The following PSD3 variants were observed in gnomAD, a reference collection of about 807,000 sequenced individuals.
PSD3 encodes the protein pleckstrin and Sec7 domain containing 3, also known as PH and SEC7 domain-containing protein 3.
A neutral mutation model predicts 105.5 loss-of-function variants in PSD3; 49 were observed. The ratio of observed to expected loss-of-function variants is 0.46; its 90% CI spans 0.37 to 0.59. PSD3 has a LOEUF of 0.59. Among genes scored for constraint, PSD3 ranks in the 20% least tolerant of loss-of-function variants. The pLI, the probability that PSD3 is intolerant of heterozygous loss-of-function variation, is 0.00. For missense variants in PSD3, 1,561 were observed against 1,263.8 expected, an observed-to-expected ratio of 1.24 and a Z score of -3.57; for synonymous variants, 557 against 457.8, an observed-to-expected ratio of 1.22 and a Z score of -2.77.
chr8:18,606,965 C>G (rs1328993235), intron 11 of PSD3, among the ~76,000 whole-genome samples: 2 of 152,158 alleles, frequency 1.3e-5, no homozygotes, highest in African/African-American at 4.8e-5. Context: ...AGTATGCCCC[C>G]AAGGAAGCTA....
At chr8:19,066,848 G>A (rs936636758) in intron 1 of PSD3, among the ~76,000 whole-genome samples, 3 of 152,206 alleles carry the variant, frequency 2.0e-5, no homozygotes, top group Non-Finnish European at 4.4e-5. Context: ...CTGGCCGGAA[G>A]CTTTTCCTAA....
intron 4 of PSD3, among the ~76,000 whole-genome samples, chr8:18,834,445 C>A (rs1034292702): frequency 1.3e-5 from 2 of 152,280 alleles, no homozygotes; most frequent in Non-Finnish European, 2.9e-5. Context: ...CTAATCACTG[C>A]ATCCTTGTGT....
chr8:18,959,119 C>T (rs59897010), intron 1 of PSD3, among the ~76,000 whole-genome samples: 30,658 of 151,970 alleles, frequency 0.2, 3,270 homozygotes, highest in African/African-American at 0.29. Flanking sequence ...CGGCATTTCA[C>T]CACGTTGGCC....
chr8:18,810,451 A>G (rs1156847134), intron 4 of PSD3, among the ~76,000 whole-genome samples: 2 of 152,252 alleles, frequency 1.3e-5, no homozygotes, highest in Non-Finnish European at 2.9e-5. Flanking sequence ...TCAATAGTGT[A>G]CTGTTTTACT....
At chr8:18,643,910 TAGA>T (rs2130808250) in intron 10 of PSD3, among the ~76,000 whole-genome samples, 1 of 152,342 alleles carries the variant, frequency 6.6e-6, no homozygotes, top group Non-Finnish European at 1.5e-5. Context: ...TTGTATTTCC[TAGA>T]ACAGTGGGCT....
At chr8:18,893,516 A>G (rs1818946341) in intron 2 of PSD3, among the ~76,000 whole-genome samples, 1 of 152,140 alleles carries the variant, frequency 6.6e-6, no homozygotes. Context: ...CTTTCAGTAT[A>G]AGATTTTCTT....
chr8:19,002,648 T>C (rs1280270160), intron 1 of PSD3, among the ~76,000 whole-genome samples: 3 of 152,136 alleles, frequency 2.0e-5, no homozygotes, highest in African/African-American at 4.8e-5. Context: ...CTTTAAGTCA[T>C]CTCTAGGTTT....
At chr8:18,585,499 G>A (rs866779415) in intron 12 of PSD3, among the ~76,000 whole-genome samples, 17 of 151,984 alleles carry the variant, frequency 1.1e-4, no homozygotes, top group African/African-American at 3.9e-4. Flanking sequence ...TGTATTTTTT[G>A]TAGAGATGGG....
chr8:19,049,886 C>A (rs929399205), intron 1 of PSD3, among the ~76,000 whole-genome samples: 1 of 152,116 alleles, frequency 6.6e-6, no homozygotes, highest in Non-Finnish European at 1.5e-5. Flanking sequence ...CTGCCACTTA[C>A]AGTGTAACCT....
chr8:18,907,395 G>A (rs1819915165), intron 2 of PSD3, among the ~76,000 whole-genome samples: 1 of 152,012 alleles, frequency 6.6e-6, no homozygotes, highest in Non-Finnish European at 1.5e-5. Flanking sequence ...GCTGGTCTTT[G>A]AAATCCTGGC....
At position 18,600,359 on chromosome 8, in the gene PSD3, T is replaced by A; in HGVS notation, c.2481+5A>T. 2 of 1,609,106 alleles carry A rather than the reference T, an allele frequency of 1.2e-6. No individual in the cohort carries two copies. Among genetic ancestry groups the A allele is most frequent in the Non-Finnish European group, 1.7e-6 (2 of 1,176,678 alleles). On this transcript the variant is annotated splice_donor_5th_base_variant and intron_variant, in intron 12 of 15. Transcript: ENST00000327040. ...TTGTGGATTTTTTATCTGCTTTACT[T>A]TTACCTTTTGCAAGTAAAGAACTGT...
intron 3 of PSD3, among the ~76,000 whole-genome samples, chr8:18,869,461 G>A (rs1563365862): frequency 6.6e-6 from 1 of 152,080 alleles, no homozygotes; most frequent in Non-Finnish European, 1.5e-5. Context: ...TTACAGGTGT[G>A]AGCCACCATG....
Position 18,947,400 on chromosome 8 carries a change from T to C in PSD3, c.22-11258A>G, listed in dbSNP as rs183995958. 6.8e-4 allele frequency among the ~76,000 whole-genome samples: 103 copies of C among 152,344 alleles called. 1 individual carries two copies. The East Asian group carries it at 7.9e-3, about 12-fold the overall frequency. On this transcript the variant is annotated intron_variant, in intron 1 of 15. Transcript: ENST00000327040. ...AGCACAAGACCAATAACTGAATTCA[T>C]GGCCTTGTTAAAAGCCCCTGGAGGT...
intron 10 of PSD3, among the ~76,000 whole-genome samples, chr8:18,640,411 A>G (rs1462746942): frequency 6.6e-6 from 1 of 152,022 alleles, no homozygotes; most frequent in African/African-American, 2.4e-5. Flanking sequence ...TGTAATCCCC[A>G]TGTGTCATGG....
chr8:18,888,025 G>A (rs929256072), intron 2 of PSD3, among the ~76,000 whole-genome samples: 4 of 152,118 alleles, frequency 2.6e-5, no homozygotes, highest in South Asian at 2.1e-4. Context: ...GCACAACCAC[G>A]ATTCAAACAC....
intron 8 of PSD3, among the ~76,000 whole-genome samples, chr8:18,784,256 C>T (rs1025426863): frequency 6.6e-6 from 1 of 152,086 alleles, no homozygotes; most frequent in African/African-American, 2.4e-5. Flanking sequence ...ATATACGGTG[C>T]TAATTTCTCA....
intron 1 of PSD3, among the ~76,000 whole-genome samples, chr8:18,992,558 T>G (rs577263313): frequency 1.3e-5 from 2 of 152,326 alleles, no homozygotes; most frequent in South Asian, 4.1e-4. Context: ...TGAAAGCTTT[T>G]CTTTAGGAAA....
intron 14 of PSD3, among the ~76,000 whole-genome samples, chr8:18,560,334 T>C (rs1353226911): frequency 6.6e-6 from 1 of 152,162 alleles, no homozygotes; most frequent in African/African-American, 2.4e-5. Flanking sequence ...ATAGACACGA[T>C]GAAGAAAGAC....
intron 1 of PSD3, among the ~76,000 whole-genome samples, chr8:19,036,883 G>C (rs1827959675): frequency 6.6e-6 from 1 of 152,166 alleles, no homozygotes; most frequent in Non-Finnish European, 1.5e-5. Context: ...AAGATGTGAA[G>C]AAGGATGAAT....
Sources: gnomAD v4.1 joint callset for allele counts (sites outside exome capture counted in the v4.1 genomes callset) on GRCh38, gnomAD v4.1.1 for gene constraint, MANE v1.5 for transcripts, NCBI Gene and HGNC (gene_info 2026-07-23, HGNC 2026-07-21) for gene names.